Variants in CNOT6 observed in about 807,000 individuals in gnomAD.
CNOT6 encodes the protein CCR4-NOT transcription complex subunit 6, also known as carbon catabolite repression 4 protein.
CNOT6 carries 12 observed loss-of-function variants against 61.2 expected under a neutral mutation model. That is an observed-to-expected ratio of 0.20 (90% CI 0.13 to 0.32). The LOEUF (loss-of-function observed/expected upper bound fraction) is 0.32, where lower values mean the gene tolerates loss of function less well. Among genes scored for constraint, CNOT6 ranks in the 10% least tolerant of loss-of-function variants. The pLI, the probability that CNOT6 is intolerant of heterozygous loss-of-function variation, is 1.00. For missense variants in CNOT6, 405 were observed against 663.9 expected, an observed-to-expected ratio of 0.61 and a Z score of 4.28; for synonymous variants, 225 against 240.6, an observed-to-expected ratio of 0.94 and a Z score of 0.60.
chr5:180,533,876 G>A (rs762691914), intron 2 of CNOT6, among the ~76,000 whole-genome samples: 4 of 152,042 alleles, frequency 2.6e-5, no homozygotes, highest in Non-Finnish European at 5.9e-5. Flanking sequence ...CACCACCTGG[G>A]GCCTGGACTC....
At chr5:180,569,410 G>A in intron 10 of CNOT6, 70 bp downstream of exon 10, 1 of 1,229,940 alleles carries the variant, frequency 8.1e-7, no homozygotes, top group Non-Finnish European at 1.2e-6. Context: ...TTTTGTTTCT[G>A]ATCATTCCAA....
chr5:180,523,811 A>G (rs1411541857), intron 1 of CNOT6, among the ~76,000 whole-genome samples: 1 of 152,120 alleles, frequency 6.6e-6, no homozygotes, highest in Non-Finnish European at 1.5e-5. Context: ...GCAGACATTC[A>G]AAGTTTATGG....
At chr5:180,544,011 C>T (rs1309771692) in intron 2 of CNOT6, among the ~76,000 whole-genome samples, 1 of 151,970 alleles carries the variant, frequency 6.6e-6, no homozygotes, top group African/African-American at 2.4e-5. Context: ...TGGGGTTTCA[C>T]TGTGTTAGCC....
intron 1 of CNOT6, among the ~76,000 whole-genome samples, chr5:180,498,949 C>T (rs996856377): frequency 1.3e-5 from 2 of 152,142 alleles, no homozygotes; most frequent in Non-Finnish European, 2.9e-5. Context: ...GCCACCACGC[C>T]GACTAATTTT....
chr5:180,544,186 C>T (rs187294141), intron 2 of CNOT6, among the ~76,000 whole-genome samples: 81 of 152,308 alleles, frequency 5.3e-4, no homozygotes, highest in Non-Finnish European at 1.0e-3. Flanking sequence ...TCTTTTCTCT[C>T]ATTATAAAAC....
intron 1 of CNOT6, among the ~76,000 whole-genome samples, chr5:180,508,593 A>C (rs1382698311): frequency 6.6e-6 from 1 of 151,942 alleles, no homozygotes; most frequent in Non-Finnish European, 1.5e-5. Context: ...TACAGGTGTG[A>C]GCTACCACGC....
At chr5:180,573,604 C>CGTGTGTGTGTGT (rs1561669597) in intron 11 of CNOT6, among the ~76,000 whole-genome samples, 8 of 14,542 alleles carry the variant, frequency 5.5e-4, no homozygotes, top group South Asian at 3.1e-3. Flanking sequence ...TGTGTGTGTC[C>CGTGTGTGTGTGT]GTCCGTCCGT....
In CNOT6 at chr5:180,578,180, C is replaced by T. The variant is rs144865584; in HGVS notation, c.*3980C>T. ...CTTTATTGGCTGTTATTCTGTATAACACTCATATCTTTGCCAAAGTTCAAT... is the reference window on the plus strand; with the variant it reads ...CTTTATTGGCTGTTATTCTGTATAATACTCATATCTTTGCCAAAGTTCAAT... On this transcript the variant is annotated 3_prime_UTR_variant, in exon 12 of 12. Transcript: ENST00000261951. 1.3e-5 allele frequency: 2 copies of T among 152,674 alleles called. No homozygotes were observed. Among genetic ancestry groups the T allele is most frequent in the East Asian group, 3.9e-4 (2 of 5,184 alleles). 9.5% of individuals were successfully genotyped at this position (152,674 alleles called of 1,614,324 possible).
chr5:180,531,639 G>C (rs1758385614), intron 2 of CNOT6, among the ~76,000 whole-genome samples: 1 of 152,208 alleles, frequency 6.6e-6, no homozygotes, highest in South Asian at 2.1e-4. Context: ...CAGGCGGCTG[G>C]GAGGTGGAGG....
intron 4 of CNOT6, 134 bp downstream of exon 4, chr5:180,553,605 T>C (rs1759724703): frequency 6.2e-6 from 4 of 642,372 alleles, no homozygotes; most frequent in South Asian, 4.1e-5. Flanking sequence ...CTTAGCTATA[T>C]CGCAATGGTT....
intron 1 of CNOT6, among the ~76,000 whole-genome samples, chr5:180,518,052 A>G (rs942883985): frequency 6.6e-6 from 1 of 152,146 alleles, no homozygotes; most frequent in East Asian, 1.9e-4. Context: ...CGTCTTTTAC[A>G]TCATTGCCAG....
At chr5:180,541,576 C>T (rs1006438291) in intron 2 of CNOT6, among the ~76,000 whole-genome samples, 4 of 150,416 alleles carry the variant, frequency 2.7e-5, no homozygotes, top group African/African-American at 7.4e-5. Flanking sequence ...CTCAGCCTCC[C>T]GAGTAGCTGG....
At chr5:180,503,708 C>T (rs570738179) in intron 1 of CNOT6, among the ~76,000 whole-genome samples, 31 of 147,020 alleles carry the variant, frequency 2.1e-4, no homozygotes, top group African/African-American at 7.0e-4. Flanking sequence ...CGGGTTCAAG[C>T]GATTCCCTTG....
intron 8 of CNOT6, 110 bp from the exon 9 acceptor site, chr5:180,567,739 A>C (rs1760535333): frequency 1.4e-6 from 2 of 1,428,308 alleles, no homozygotes; most frequent in African/African-American, 2.8e-5. Flanking sequence ...AATGTGATTT[A>C]AGTGCCATCG....
chr5:180,502,510 G>A (rs1191494165), intron 1 of CNOT6, among the ~76,000 whole-genome samples: 1 of 152,178 alleles, frequency 6.6e-6, no homozygotes, highest in Non-Finnish European at 1.5e-5. Flanking sequence ...GTGCTCCATT[G>A]CCCAAACTTT....
intron 2 of CNOT6, among the ~76,000 whole-genome samples, chr5:180,532,619 G>A (rs1295256392): frequency 6.6e-6 from 1 of 152,108 alleles, no homozygotes; most frequent in African/African-American, 2.4e-5. Flanking sequence ...CCAGTTAGGT[G>A]CCCTCCAATT....
intron 1 of CNOT6, among the ~76,000 whole-genome samples, chr5:180,513,978 A>G (rs1757517847): frequency 6.6e-6 from 1 of 151,968 alleles, no homozygotes; most frequent in Non-Finnish European, 1.5e-5. Flanking sequence ...CTGGGATTAC[A>G]GGCGTGAGCC....
chr5:180,505,399 GCCTCCGCCACCA>G (rs1757087676), intron 1 of CNOT6, among the ~76,000 whole-genome samples: 1 of 142,580 alleles, frequency 7.0e-6, no homozygotes, highest in African/African-American at 2.7e-5. Context: ...GGGACTACAG[GCCTCCGCCACCA>G]CACCCAGCTA....
chr5:180,570,010 C>A (rs1348098118), intron 10 of CNOT6, among the ~76,000 whole-genome samples: 1 of 152,166 alleles, frequency 6.6e-6, no homozygotes, highest in Non-Finnish European at 1.5e-5. Flanking sequence ...TGAACACACA[C>A]ACACGCACAT....
Sources: allele counts gnomAD v4.1 joint callset (sites outside exome capture counted in the v4.1 genomes callset), GRCh38; gene constraint gnomAD v4.1.1; transcripts MANE v1.5; gene names NCBI Gene and HGNC (gene_info 2026-07-23, HGNC 2026-07-21).